The following VPS8 variants were observed in gnomAD, a reference collection of about 807,000 sequenced individuals.
VPS8 encodes the protein vacuolar protein sorting-associated protein 8 homolog.
Under a neutral mutation model 216.4 loss-of-function variants are expected in VPS8, and 129 were observed. The ratio of observed to expected loss-of-function variants is 0.60; its 90% CI spans 0.52 to 0.69. The LOEUF (loss-of-function observed/expected upper bound fraction) is 0.69, where lower values mean the gene tolerates loss of function less well. Ranked by LOEUF, VPS8 falls within the 30% of genes least tolerant of loss-of-function variation. VPS8 has a pLI of 0.00. For missense variants in VPS8, 1,531 were observed against 1,683.5 expected, an observed-to-expected ratio of 0.91 and a Z score of 1.59; for synonymous variants, 571 against 565.4, an observed-to-expected ratio of 1.01 and a Z score of -0.14.
chr3:184,982,571 T>G lies in VPS8; in HGVS notation c.3426T>G (p.Leu1142=), dbSNP rs757632996. ...GATTTTCTCTGACATTATAGGCACTTTGGTTTCCGTTATTGGAGGCAATGA... is the reference window on the plus strand; with the variant it reads ...GATTTTCTCTGACATTATAGGCACTGTGGTTTCCGTTATTGGAGGCAATGA... The part of the protein sequence containing the change: ...HNLNQQQREA[L]WFPLLEAMMA... The change falls in exon 41 of 48, where the codon CTT becomes CTG. Residue 1142 remains leucine (L), a synonymous_variant. Coordinates refer to ENST00000625842, the MANE Select transcript of VPS8 (RefSeq NM_001009921.3). The G allele has an allele frequency of 1.2e-6, 2 of 1,612,364 alleles. No individual in the cohort carries two copies. Among genetic ancestry groups the G allele is most frequent in the Admixed American group, 3.4e-5 (2 of 59,636 alleles).
intron 36 of VPS8, among the ~76,000 whole-genome samples, chr3:184,942,630 A>G (rs750782351): frequency 6.6e-6 from 1 of 152,148 alleles, no homozygotes; most frequent in Non-Finnish European, 1.5e-5. Flanking sequence ...CCTCCAAAGT[A>G]TCAAAGACCG....
At chr3:184,866,048 G>A (rs1346119779) in intron 16 of VPS8, among the ~76,000 whole-genome samples, 1 of 151,688 alleles carries the variant, frequency 6.6e-6, no homozygotes, top group Non-Finnish European at 1.5e-5. Context: ...CTACTCCTAG[G>A]TGTGTTTCCA....
At chr3:185,010,660 A>G (rs1467452939) in intron 45 of VPS8, among the ~76,000 whole-genome samples, 1 of 152,130 alleles carries the variant, frequency 6.6e-6, no homozygotes, top group Non-Finnish European at 1.5e-5. Flanking sequence ...AGTGAACTTA[A>G]CAATATAGCA....
chr3:184,986,084 G>GC (rs1249148030), intron 42 of VPS8, among the ~76,000 whole-genome samples: 1 of 152,110 alleles, frequency 6.6e-6, no homozygotes, highest in Non-Finnish European at 1.5e-5. Context: ...GGTATTTATG[G>GC]CTATATATGA....
At chr3:184,884,497 CA>C (rs1164725230) in intron 21 of VPS8, among the ~76,000 whole-genome samples, 1 of 152,138 alleles carries the variant, frequency 6.6e-6, no homozygotes, top group African/African-American at 2.4e-5. Context: ...AGTATAAATT[CA>C]AATCCCAGCT....
chr3:184,950,588 A>G (rs1029724766), intron 36 of VPS8, among the ~76,000 whole-genome samples: 4 of 151,900 alleles, frequency 2.6e-5, no homozygotes, highest in Non-Finnish European at 5.9e-5. Flanking sequence ...AATGTTATTT[A>G]TTTTTTAATT....
chr3:184,926,237 C>A (rs1333342237), intron 30 of VPS8, among the ~76,000 whole-genome samples: 1 of 151,624 alleles, frequency 6.6e-6, no homozygotes, highest in African/African-American at 2.4e-5. Context: ...ATGAGCCGGG[C>A]GTGGTGGCGG....
chr3:185,043,561 TG>T (rs1444248317), intron 46 of VPS8, among the ~76,000 whole-genome samples: 3 of 152,220 alleles, frequency 2.0e-5, no homozygotes, highest in Non-Finnish European at 4.4e-5. Flanking sequence ...GAACGCCTAG[TG>T]TGTACCCAAA....
chr3:184,858,849 C>T (rs949859720), intron 14 of VPS8, among the ~76,000 whole-genome samples: 5 of 152,162 alleles, frequency 3.3e-5, no homozygotes, highest in African/African-American at 1.2e-4. Context: ...TCTGCCTCTT[C>T]ATAGCCTTTG....
rs1190148998 is a variant in VPS8 at position 185,032,351 on chromosome 3, TCCA to T, written c.4056+7963_4056+7965del. ...AGGGCTATTGCAGTAAGGGGAACGC[TCCA>T]ACCATAAGATCTGCAAGGGTCTCAG... On this transcript the variant is annotated intron_variant, in intron 46 of 47. Coordinates refer to ENST00000625842, the MANE Select transcript of VPS8 (RefSeq NM_001009921.3). Among the ~76,000 whole-genome samples the T allele has an allele frequency of 8.5e-5, 13 of 152,232 alleles. No individual in the cohort carries two copies. The South Asian group carries it at 2.7e-3, about 32-fold the overall frequency.
intron 21 of VPS8, among the ~76,000 whole-genome samples, chr3:184,877,139 TTC>T (rs911841201): frequency 2.6e-5 from 4 of 152,216 alleles, no homozygotes; most frequent in Non-Finnish European, 5.9e-5. Flanking sequence ...AAAAAATCCT[TTC>T]TCATTTCTTT....
At chr3:184,903,909 G>T (rs1229245274) in intron 25 of VPS8, among the ~76,000 whole-genome samples, 1 of 151,920 alleles carries the variant, frequency 6.6e-6, no homozygotes, top group Non-Finnish European at 1.5e-5. Context: ...TTTTATTTAG[G>T]TCTTCATTAA....
intron 46 of VPS8, among the ~76,000 whole-genome samples, chr3:185,031,501 G>GA (rs1377436903): frequency 6.6e-6 from 1 of 152,162 alleles, no homozygotes; most frequent in African/African-American, 2.4e-5. Flanking sequence ...CGGCAGAGTT[G>GA]AAAACCTCAG....
At position 184,832,795 on chromosome 3, in the gene VPS8, G is replaced by C. The variant is rs1720276112; in HGVS notation, c.329G>C (p.Ser110Thr). ...ACTTCATCTGTGGCAAGCTCAGATA[G>C]TGGTGACAGGACCAACTTAAAAAGG... ...YDTSSVASSD[S>T]GDRTNLKRKK... is the part of the protein sequence containing the mutation. Residue 110 changes from serine (S) to threonine (T), a missense_variant, in exon 4 of 48, where the codon AGT becomes ACT. Physicochemically the swap from Ser to Thr is moderately conservative, Grantham distance 58 (BLOSUM62 1). Transcript: ENST00000625842. 3.1e-6 allele frequency: 5 copies of C among 1,609,946 alleles called. No homozygotes were observed. Among genetic ancestry groups the C allele is most frequent in the Non-Finnish European group, 4.2e-6 (5 of 1,177,848 alleles).
At chr3:185,032,771 T>G (rs777297063) in intron 46 of VPS8, among the ~76,000 whole-genome samples, 5 of 152,142 alleles carry the variant, frequency 3.3e-5, no homozygotes, top group Non-Finnish European at 7.4e-5. Flanking sequence ...GTTCATGGCA[T>G]TCTCCTGCCT....
Position 184,858,978 on chromosome 3 carries a change from AG to A in VPS8, c.1144-1006del, listed in dbSNP as rs1577935351. On this transcript the variant is annotated intron_variant, in intron 14 of 47. Coordinates refer to ENST00000625842, the MANE Select transcript of VPS8 (RefSeq NM_001009921.3). Reference sequence around the variant, plus strand: ...CCACATGTTTAAAATTCCCATTAAAAGCTTTGCTCTTGTCTGCAGCTGACCT... The same window carrying A: ...CCACATGTTTAAAATTCCCATTAAAACTTTGCTCTTGTCTGCAGCTGACCT... Among the ~76,000 whole-genome samples, 7 of 152,312 alleles carry A rather than the reference AG, an allele frequency of 4.6e-5. No individual in the cohort carries two copies. The East Asian group carries it at 1.3e-3, about 29-fold the overall frequency.
chr3:185,007,324 C>T (rs565734276), intron 45 of VPS8, among the ~76,000 whole-genome samples: 2 of 152,170 alleles, frequency 1.3e-5, no homozygotes, highest in African/African-American at 2.4e-5. Flanking sequence ...AGTATATTTT[C>T]TCAAGAACAT....
intron 25 of VPS8, among the ~76,000 whole-genome samples, chr3:184,907,771 C>G (rs1735750246): frequency 6.6e-6 from 1 of 152,130 alleles, no homozygotes; most frequent in Admixed American, 6.6e-5. Flanking sequence ...TGAATTGTCC[C>G]TCTCTCACTT....
intron 45 of VPS8, among the ~76,000 whole-genome samples, chr3:185,000,612 C>CTTTTTT (rs11425416): frequency 7.1e-6 from 1 of 141,058 alleles, no homozygotes. Context: ...CTTTTCGTTT[C>CTTTTTT]TTTTTTTTTT....
Sources: allele counts gnomAD v4.1 joint callset (sites outside exome capture counted in the v4.1 genomes callset), GRCh38; gene constraint gnomAD v4.1.1; transcripts MANE v1.5; gene names NCBI Gene and HGNC (gene_info 2026-07-23, HGNC 2026-07-21).